The following ASCC3 variants were observed in gnomAD, a reference collection of about 807,000 sequenced individuals.
The protein encoded by ASCC3 is ASC-1 complex subunit P200.
A neutral mutation model predicts 256.3 loss-of-function variants in ASCC3; 158 were observed. The observed-to-expected ratio is 0.62, with a 90% confidence interval of 0.54 to 0.70. ASCC3 has a LOEUF of 0.70. Among genes scored for constraint, ASCC3 ranks in the 30% least tolerant of loss-of-function variants. The pLI, the probability that ASCC3 is intolerant of heterozygous loss-of-function variation, is 0.00. For synonymous variants in ASCC3, 948 were observed against 883.4 expected, an observed-to-expected ratio of 1.07 and a Z score of -1.30; for missense variants, 2,259 against 2,626.0, an observed-to-expected ratio of 0.86 and a Z score of 3.05.
chr6:100,540,974 T>G (rs1004922452), intron 36 of ASCC3, among the ~76,000 whole-genome samples: 3 of 152,180 alleles, frequency 2.0e-5, no homozygotes, highest in Non-Finnish European at 4.4e-5. Flanking sequence ...AGAGTTAGAT[T>G]GTTCTGGAAT....
At chr6:100,532,396 ATATATATATAT>A (rs1774945308) in intron 37 of ASCC3, among the ~76,000 whole-genome samples, 2 of 42,754 alleles carry the variant, frequency 4.7e-5, no homozygotes, top group Non-Finnish European at 8.9e-5. Flanking sequence ...ATATATATAT[ATATATATATAT>A]TTTTTTTTTT....
At chr6:100,712,383 G>A (rs1473039520) in intron 13 of ASCC3, among the ~76,000 whole-genome samples, 1 of 152,108 alleles carries the variant, frequency 6.6e-6, no homozygotes, top group Non-Finnish European at 1.5e-5. Context: ...ATAAAGGACT[G>A]TTAACAAAAT....
chr6:100,848,760 T>A (rs1772514549), intron 3 of ASCC3, 53 bp from the exon 4 acceptor site: 4 of 1,560,500 alleles, frequency 2.6e-6, no homozygotes, highest in Non-Finnish European at 3.5e-6. Flanking sequence ...TGGTTCAAGT[T>A]ACGATCTTCC....
At chr6:100,639,411 G>C (rs909118388) in intron 24 of ASCC3, among the ~76,000 whole-genome samples, 1 of 152,130 alleles carries the variant, frequency 6.6e-6, no homozygotes, top group Non-Finnish European at 1.5e-5. Context: ...ATGTGGATGG[G>C]AGGCCTAGGG....
At position 100,606,769 on chromosome 6, in the gene ASCC3, G is replaced by A. The variant is rs998171118; in HGVS notation, c.5015C>T (p.Thr1672Ile). Reference protein sequence around the residue: ...IKGTEYYDGKTRRYVDFPITD... With the variant: ...IKGTEYYDGKIRRYVDFPITD... ...AATGGGAAAATCCACATAACGTCTT[G>A]TTTTTCCATCATAGTATTCTGTTCC... The change falls in exon 32 of 42, where the codon ACA becomes ATA. Residue 1672 changes from threonine (T) to isoleucine (I), a missense_variant. Physicochemically the swap from Thr to Ile is moderately conservative, Grantham distance 89. Coordinates refer to ENST00000369162, the MANE Select transcript of ASCC3 (RefSeq NM_006828.4). The A allele has an allele frequency of 4.4e-6, 7 of 1,607,586 alleles. No individual in the cohort carries two copies. Among genetic ancestry groups the A allele is most frequent in the Non-Finnish European group, 4.2e-6 (5 of 1,177,760 alleles).
At chr6:100,613,106 T>G (rs1250545854) in intron 30 of ASCC3, among the ~76,000 whole-genome samples, 1 of 151,608 alleles carries the variant, frequency 6.6e-6, no homozygotes, top group South Asian at 2.1e-4. Flanking sequence ...AAATTTGTCT[T>G]AAAATATTTT....
intron 4 of ASCC3, among the ~76,000 whole-genome samples, chr6:100,823,179 T>C (rs558560471): frequency 6.6e-6 from 1 of 152,308 alleles, no homozygotes; most frequent in African/African-American, 2.4e-5. Flanking sequence ...CCCATAACAT[T>C]TGCCATTTTC....
At chr6:100,602,565 T>C (rs1306089702) in intron 33 of ASCC3, among the ~76,000 whole-genome samples, 2 of 151,938 alleles carry the variant, frequency 1.3e-5, no homozygotes, top group Non-Finnish European at 1.5e-5. Flanking sequence ...AGAGCACAGG[T>C]ACAGGACATG....
chr6:100,739,927 T>C (rs973418559), intron 10 of ASCC3, among the ~76,000 whole-genome samples: 5 of 152,206 alleles, frequency 3.3e-5, no homozygotes, highest in Non-Finnish European at 5.9e-5. Context: ...CATGTCTCTA[T>C]ATCCTTCAGT....
chr6:100,517,847 C>G (rs1460900581), intron 38 of ASCC3, 144 bp downstream of exon 38: 6 of 887,084 alleles, frequency 6.8e-6, no homozygotes, highest in Non-Finnish European at 1.0e-5. Flanking sequence ...CGTCACTTGG[C>G]CATGTCTCAC....
At chr6:100,536,591 C>T (rs1775175411) in intron 37 of ASCC3, among the ~76,000 whole-genome samples, 2 of 152,096 alleles carry the variant, frequency 1.3e-5, no homozygotes, top group South Asian at 4.1e-4. Context: ...AAGCAATTCT[C>T]TCACCTTGGC....
intron 36 of ASCC3, 27 bp downstream of exon 36, chr6:100,589,607 A>T (rs1771882222): frequency 1.2e-6 from 2 of 1,612,022 alleles, no homozygotes; most frequent in Non-Finnish European, 8.5e-7. Context: ...ATTAAAAGAG[A>T]AGATATGAAA....
intron 14 of ASCC3, among the ~76,000 whole-genome samples, chr6:100,666,703 A>G (rs1331962219): frequency 6.6e-6 from 1 of 152,154 alleles, no homozygotes; most frequent in East Asian, 1.9e-4. Context: ...TGATGTTTTT[A>G]TCCACCTGTG....
At chr6:100,709,684 G>T (rs1450324417) in intron 13 of ASCC3, among the ~76,000 whole-genome samples, 1 of 151,924 alleles carries the variant, frequency 6.6e-6, no homozygotes, top group Non-Finnish European at 1.5e-5. Flanking sequence ...TATTCATTAA[G>T]AAAAAGTGAA....
chr6:100,529,138 T>C (rs1407494403), intron 37 of ASCC3, among the ~76,000 whole-genome samples: 1 of 151,926 alleles, frequency 6.6e-6, no homozygotes, highest in Non-Finnish European at 1.5e-5. Flanking sequence ...GAGAGGAACA[T>C]AAAATGTGTG....
intron 30 of ASCC3, among the ~76,000 whole-genome samples, chr6:100,620,140 T>C (rs2114843636): frequency 1.3e-5 from 2 of 152,214 alleles, no homozygotes; most frequent in Middle Eastern, 6.8e-3. Flanking sequence ...AGAAGGGAGA[T>C]TCCTTTTTTC....
chr6:100,624,252 T>C (rs1774120800), intron 30 of ASCC3, among the ~76,000 whole-genome samples: 2 of 151,720 alleles, frequency 1.3e-5, no homozygotes, highest in Admixed American at 6.6e-5. Flanking sequence ...TAAAATTTTA[T>C]ATATGTATAT....
chr6:100,654,626 A>G (rs758041695), intron 17 of ASCC3, among the ~76,000 whole-genome samples: 2 of 152,084 alleles, frequency 1.3e-5, no homozygotes, highest in South Asian at 2.1e-4. Context: ...GTTATATGTT[A>G]TAACAGAGCA....
chr6:100,597,158 C>T (rs188876718), intron 34 of ASCC3, among the ~76,000 whole-genome samples: 1 of 152,240 alleles, frequency 6.6e-6, no homozygotes, highest in African/African-American at 2.4e-5. Context: ...TCTCCCATCT[C>T]CCCCCAGGCC....
Sources: allele counts gnomAD v4.1 joint callset (sites outside exome capture counted in the v4.1 genomes callset), GRCh38; gene constraint gnomAD v4.1.1; transcripts MANE v1.5; gene names NCBI Gene and HGNC (gene_info 2026-07-23, HGNC 2026-07-21).